The following EBF2 variants were observed in gnomAD, a reference collection of about 807,000 sequenced individuals.
EBF2 encodes EBF transcription factor 2.
A neutral mutation model predicts 72.8 loss-of-function variants in EBF2; 21 were observed. The ratio of observed to expected loss-of-function variants is 0.29; its 90% CI spans 0.20 to 0.42. The LOEUF (loss-of-function observed/expected upper bound fraction) is 0.42. EBF2 is among the 10% of genes least tolerant of loss of function. The pLI is 1.00. For synonymous variants in EBF2, 299 were observed against 274.2 expected, an observed-to-expected ratio of 1.09 and a Z score of -0.89; for missense variants, 637 against 731.2, an observed-to-expected ratio of 0.87 and a Z score of 1.49.
intron 6 of EBF2, among the ~76,000 whole-genome samples, chr8:26,011,814 A>T (rs2321722): frequency 0.46 from 67,824 of 148,948 alleles, 15,685 homozygotes; most frequent in East Asian, 0.78. Context: ...TTTTTTTTAA[A>T]AAAAAAAAGC....
At chr8:25,875,016 C>T (rs771739282) in intron 10 of EBF2, among the ~76,000 whole-genome samples, 43 of 151,996 alleles carry the variant, frequency 2.8e-4, no homozygotes, top group Non-Finnish European at 4.7e-4. Context: ...TCCTTGTGAC[C>T]CCCTGTCCCT....
chr8:25,907,632 T>TAA (rs1170417147), intron 7 of EBF2, among the ~76,000 whole-genome samples: 6 of 152,004 alleles, frequency 3.9e-5, no homozygotes, highest in African/African-American at 1.5e-4. Context: ...AGAACCTCGC[T>TAA]TGTCTCAGGC....
chr8:25,906,767 AAAACAAACAAACAAAC>A (rs71551830), intron 7 of EBF2, among the ~76,000 whole-genome samples: 2 of 149,760 alleles, frequency 1.3e-5, no homozygotes, highest in East Asian at 4.0e-4. Flanking sequence ...ACTCCATCTC[AAAACAAACAAACAAAC>A]AAACAAACAA....
intron 5 of EBF2, among the ~76,000 whole-genome samples, chr8:26,036,052 C>T (rs1329533065): frequency 6.6e-6 from 1 of 152,172 alleles, no homozygotes; most frequent in African/African-American, 2.4e-5. Flanking sequence ...TTGACATCAC[C>T]AGCATGTCAA....
chr8:26,033,105 C>T lies in EBF2; in HGVS notation c.531G>A (p.Ser177=), dbSNP rs144633644. ...CCTACCTGTCAATTATGACTGGGTC[C>T]GATGGAGTCTCATTTCGGTTTCCAC... The part of the protein sequence containing the change: ...KSCGNRNETP[S]DPVIIDRFFL... Residue 177 remains serine, a synonymous_variant, in exon 6 of 16, where the codon TCG becomes TCA. Coordinates refer to ENST00000520164, the MANE Select transcript of EBF2 (RefSeq NM_022659.4). 59 of 1,614,126 alleles carry T rather than the reference C, an allele frequency of 3.7e-5. No individual in the cohort carries two copies. The highest frequency in any genetic ancestry group is 1.8e-4 in the East Asian group (8 of 44,884).
rs36211488 is a variant in EBF2 at position 26,010,988 on chromosome 8, T to TACACAC, written c.551+22091_551+22096dup. ...TTTTATATGCTTGCATATGTGTGCA[T>TACACAC]ACACACACACACACACACACACACA... On this transcript the variant is annotated intron_variant, in intron 6 of 15. Transcript: ENST00000520164. Among the ~76,000 whole-genome samples the TACACAC allele has an allele frequency of 6.2e-3, 931 of 150,860 alleles. 10 individuals carry two copies. The highest frequency in any genetic ancestry group is 0.021 in the African/African-American group (855 of 41,206).
intron 1 of EBF2, 127 bp from the exon 2 acceptor site, chr8:26,042,378 C>CG (rs1563217635): frequency 8.2e-7 from 1 of 1,217,392 alleles, no homozygotes; most frequent in African/African-American, 1.5e-5. Flanking sequence ...CTGAACCCTT[C>CG]GGGCCTTTTT....
chr8:25,928,146 G>T (rs1387456755), intron 6 of EBF2, among the ~76,000 whole-genome samples: 2 of 151,794 alleles, frequency 1.3e-5, no homozygotes, highest in African/African-American at 4.8e-5. Context: ...AGAGTAAAAG[G>T]TTTTTTTTAG....
chr8:25,953,249 A>G (rs1164825099), intron 6 of EBF2, among the ~76,000 whole-genome samples: 1 of 152,202 alleles, frequency 6.6e-6, no homozygotes. Context: ...AAAGCCCTGG[A>G]GGACAGGAGC....
At chr8:25,916,121 A>G (rs776977208) in intron 6 of EBF2, among the ~76,000 whole-genome samples, 3 of 151,974 alleles carry the variant, frequency 2.0e-5, no homozygotes, top group South Asian at 4.2e-4. Flanking sequence ...CCCAGTCTCT[A>G]CTACATATAC....
chr8:26,028,434 G>A lies in EBF2; in HGVS notation c.551+4651C>T, dbSNP rs565339701. ...TTACTAGAAAATACCCTACCAGTAC[G>A]CACATGGGTAGCCTACGAAGATTCA... On this transcript the variant is annotated intron_variant, in intron 6 of 15. Transcript: ENST00000520164. 7.2e-5 allele frequency among the ~76,000 whole-genome samples: 11 copies of A among 152,260 alleles called. No individual in the cohort carries two copies. The South Asian group carries it at 1.2e-3, about 17-fold the overall frequency.
chr8:25,921,385 C>G (rs375334571), intron 6 of EBF2, among the ~76,000 whole-genome samples: 213 of 152,124 alleles, frequency 1.4e-3, no homozygotes, highest in African/African-American at 4.7e-3. Context: ...AAAATCAGGT[C>G]AAGAATTTGA....
chr8:26,014,064 T>A (rs2117237286), intron 6 of EBF2, among the ~76,000 whole-genome samples: 2 of 152,282 alleles, frequency 1.3e-5, no homozygotes, highest in East Asian at 1.9e-4. Flanking sequence ...TTAGGTGAAA[T>A]GAAATTTGAC....
chr8:25,991,217 T>C (rs1804540406), intron 6 of EBF2, among the ~76,000 whole-genome samples: 1 of 152,250 alleles, frequency 6.6e-6, no homozygotes, highest in Non-Finnish European at 1.5e-5. Flanking sequence ...TTTATCCTTA[T>C]TTAATTCATG....
intron 6 of EBF2, among the ~76,000 whole-genome samples, chr8:25,924,327 TA>T (rs1330852772): frequency 6.6e-6 from 1 of 152,216 alleles, no homozygotes; most frequent in Non-Finnish European, 1.5e-5. Flanking sequence ...CTCTGGTAAG[TA>T]ACCATGACAC....
At chr8:25,959,112 TG>T (rs1803994630) in intron 6 of EBF2, among the ~76,000 whole-genome samples, 1 of 152,220 alleles carries the variant, frequency 6.6e-6, no homozygotes, top group South Asian at 2.1e-4. Flanking sequence ...TCCATTTTTC[TG>T]GTGCTCAGGA....
chr8:26,022,680 G>C (rs1323714352), intron 6 of EBF2, among the ~76,000 whole-genome samples: 28 of 152,142 alleles, frequency 1.8e-4, no homozygotes, highest in Admixed American at 1.8e-3. Flanking sequence ...GGCAGCTGCT[G>C]CATTTCTCAC....
chr8:26,006,235 C>A (rs932042523), intron 6 of EBF2, among the ~76,000 whole-genome samples: 24 of 152,158 alleles, frequency 1.6e-4, no homozygotes, highest in African/African-American at 5.8e-4. Flanking sequence ...CCACCCTCAC[C>A]ATTGACTCTT....
chr8:25,892,990 C>G (rs1021685705), intron 7 of EBF2, among the ~76,000 whole-genome samples: 2 of 152,178 alleles, frequency 1.3e-5, no homozygotes, highest in African/African-American at 4.8e-5. Context: ...CGGCATCTAT[C>G]ACTCCCCGTA....
Sources: gnomAD v4.1 joint callset for allele counts (sites outside exome capture counted in the v4.1 genomes callset) on GRCh38, gnomAD v4.1.1 for gene constraint, MANE v1.5 for transcripts, NCBI Gene and HGNC (gene_info 2026-07-23, HGNC 2026-07-21) for gene names.